SLC35A3: variants seen among roughly 807,000 people sequenced by gnomAD.
SLC35A3 encodes solute carrier family 35 member A3.
A neutral mutation model predicts 39.0 loss-of-function variants in SLC35A3; 26 were observed. The observed-to-expected ratio is 0.67, with a 90% CI of 0.49 to 0.92. SLC35A3 has a LOEUF of 0.92. Among genes scored for constraint, SLC35A3 ranks in the 40% least tolerant of loss-of-function variants. The probability of loss-of-function intolerance (pLI) is 0.00; values close to 1 mark genes in which losing one functional copy is unlikely to be tolerated. For missense variants in SLC35A3, 299 were observed against 371.6 expected (o/e 0.80, Z 1.61); for synonymous variants, 135 against 133.1 (o/e 1.01, Z -0.10).
At position 100,011,515 on chromosome 1, in the gene SLC35A3, A is replaced by T; in HGVS notation, c.616A>T (p.Ile206Leu). 6.8e-7 allele frequency: 1 copy of T among 1,463,202 alleles called. No homozygotes were observed. Among genetic ancestry groups the T allele is most frequent in the Non-Finnish European group, 9.3e-7 (1 of 1,075,692 alleles). The allele number at this position is 1,463,202 out of a possible 1,614,324, so 90.6% of individuals were successfully genotyped here. A position where few individuals can be genotyped will look rare whatever the true frequency, so the allele number is the denominator to read the frequency against. Residue 206 changes from isoleucine to leucine, a missense_variant, in exon 5 of 8, where the codon ATA (isoleucine) becomes TTA (leucine). Transcript: ENST00000533028. ...AAAAGAAACAAAACAATCAGTGTGG[A>T]TAAGAAATATTCAGCTTGGTAAGTT... ...ILKETKQSVW[I>L]RNIQLGFFGS...
At chr1:100,017,646 ATG>A in intron 6 of SLC35A3, 34 bp from the exon 7 acceptor site, 1 of 1,402,240 alleles carries the variant, frequency 7.1e-7, no homozygotes, top group Non-Finnish European at 9.6e-7. Context: ...GCAGTTTTAC[ATG>A]TGTGTTTTAA....
In SLC35A3 at chr1:99,989,243, A is replaced by G. The variant is rs377543936; in HGVS notation, c.-18-4294A>G. On this transcript the variant is annotated intron_variant, in intron 1 of 7. Transcript: ENST00000533028. The stretch of plus-strand genomic sequence containing the variant: ...TGACCTTTTCCTATGCCTATTAGTC[A>G]CTCATTTGTCTTTATTGATAAAATA... Among the ~76,000 whole-genome samples the G allele has an allele frequency of 1.8e-4, 27 of 151,716 alleles. No homozygotes were observed. In the South Asian group the frequency reaches 5.6e-3, roughly 32 times the overall value.
intron 1 of SLC35A3, among the ~76,000 whole-genome samples, chr1:99,978,065 C>T (rs1657225520): frequency 6.6e-6 from 1 of 152,146 alleles, no homozygotes; most frequent in African/African-American, 2.4e-5. Context: ...GACAGAGAGA[C>T]TAAAATTGGG....
intron 5 of SLC35A3, among the ~76,000 whole-genome samples, chr1:100,012,038 C>T (rs999455186): frequency 7.9e-5 from 12 of 151,866 alleles, no homozygotes; most frequent in African/African-American, 2.2e-4. Flanking sequence ...TTTAAATGAA[C>T]GCCTTTTATT....
chr1:100,001,409 A>G (rs1366251435), intron 3 of SLC35A3, among the ~76,000 whole-genome samples: 3 of 151,736 alleles, frequency 2.0e-5, no homozygotes, highest in African/African-American at 7.3e-5. Flanking sequence ...TTTCTTGTAG[A>G]GATCTTTTAC....
In SLC35A3 at chr1:100,015,331, G is replaced by A. The variant is rs200270277; in HGVS notation, c.664G>A (p.Gly222Ser). The A allele has an allele frequency of 5.0e-5, 81 of 1,610,770 alleles. No individual in the cohort carries two copies. Among genetic ancestry groups the A allele is most frequent in the Non-Finnish European group, 6.8e-5 (80 of 1,178,714 alleles). Residue 222 changes from glycine to serine, a missense_variant, in exon 6 of 8, where the codon GGT becomes AGT. Physicochemically the swap from Gly to Ser is moderately conservative, Grantham distance 56. Transcript: ENST00000533028. ...GFFGSIFGLM[G>S]VYIYDGELVS... Reference sequence around the variant, plus strand: ...CTTTGGAAGTATATTTGGATTAATGGGTGTATACATTTATGATGGAGAACT... The same window carrying A: ...CTTTGGAAGTATATTTGGATTAATGAGTGTATACATTTATGATGGAGAACT...
At chr1:99,993,792 A>C in intron 2 of SLC35A3, 51 bp downstream of exon 2, 1 of 1,495,876 alleles carries the variant, frequency 6.7e-7, no homozygotes, top group Non-Finnish European at 9.3e-7. Flanking sequence ...TTTAGTTTGC[A>C]TATATATATT....
intron 5 of SLC35A3, among the ~76,000 whole-genome samples, chr1:100,013,206 T>C (rs1659800916): frequency 6.6e-6 from 1 of 152,112 alleles, no homozygotes; most frequent in Non-Finnish European, 1.5e-5. Context: ...TTATTGGGTT[T>C]GGTGGCTTGT....
chr1:100,027,190 T>G lies in SLC35A3; in HGVS notation c.*4714T>G. The G allele has an allele frequency of 2.5e-6, 1 of 398,578 alleles. No homozygotes were observed. The highest frequency in any genetic ancestry group is 2.1e-5 in the African/African-American group (1 of 48,746). 24.7% of individuals were successfully genotyped at this position (398,578 alleles called of 1,614,324 possible). On this transcript the variant is annotated 3_prime_UTR_variant, in exon 8 of 8. Coordinates refer to ENST00000533028, the MANE Select transcript of SLC35A3 (RefSeq NM_012243.3). ...GGGTTGGCCAGGTGCAGTGGCTCAT[T>G]CCTGTAATCCCAACACTTTAGGAAG... is the stretch of plus-strand genomic sequence containing the variant.
At chr1:99,988,123 A>G (rs1363238662) in intron 1 of SLC35A3, among the ~76,000 whole-genome samples, 1 of 152,158 alleles carries the variant, frequency 6.6e-6, no homozygotes, top group Non-Finnish European at 1.5e-5. Context: ...TCATATAACT[A>G]CCACACAGTA....
chr1:100,011,638 A>G (rs981797107), intron 5 of SLC35A3, 105 bp downstream of exon 5: 1 of 339,416 alleles, frequency 2.9e-6, no homozygotes, highest in Non-Finnish European at 5.3e-6. Context: ...AAAATCTGCT[A>G]TTGATCCAAA....
Position 100,024,271 on chromosome 1 carries a change from G to A in SLC35A3, c.*1795G>A, listed in dbSNP as rs1241018435. On this transcript the variant is annotated 3_prime_UTR_variant, in exon 8 of 8. Coordinates refer to ENST00000533028, the MANE Select transcript of SLC35A3 (RefSeq NM_012243.3). ...TACTGAGTATAAGAAGTATTTTACT[G>A]TCTGGGCACAGTGGCTCATGCCTGT... is the stretch of plus-strand genomic sequence containing the variant. The A allele has an allele frequency of 6.6e-6, 1 of 152,056 alleles. No homozygotes were observed. The highest frequency in any genetic ancestry group is 1.5e-5 in the Non-Finnish European group (1 of 68,028). 9.4% of individuals were successfully genotyped at this position (152,056 alleles called of 1,614,324 possible). A position where few individuals can be genotyped will look rare whatever the true frequency, so the allele number is the denominator to read the frequency against.
In SLC35A3 at chr1:100,024,938, G is replaced by T; in HGVS notation, c.*2462G>T. 3.0e-6 allele frequency: 1 copy of T among 331,454 alleles called. No homozygotes were observed. Among genetic ancestry groups the T allele is most frequent in the Non-Finnish European group, 5.4e-6 (1 of 184,816 alleles). The allele number at this position is 331,454 out of a possible 1,614,324, so 20.5% of individuals were successfully genotyped here. A position where few individuals can be genotyped will look rare whatever the true frequency, so the allele number is the denominator to read the frequency against. On this transcript the variant is annotated 3_prime_UTR_variant, in exon 8 of 8. Coordinates refer to ENST00000533028, the MANE Select transcript of SLC35A3 (RefSeq NM_012243.3). ...TACCCTTGCCTAACGTGAACTGGCAGTGTTACCTTGCTTTTGCAGTAATAG... is the reference window on the plus strand; with the variant it reads ...TACCCTTGCCTAACGTGAACTGGCATTGTTACCTTGCTTTTGCAGTAATAG...
At chr1:99,993,800 ATT>A in intron 2 of SLC35A3, 59 bp downstream of exon 2, 2 of 1,416,268 alleles carry the variant, frequency 1.4e-6, no homozygotes, top group Non-Finnish European at 2.0e-6. Flanking sequence ...GCATATATAT[ATT>A]GGTAACTACA....
intron 4 of SLC35A3, chr1:100,009,661 T>C (rs1451391271): frequency 6.6e-6 from 1 of 152,302 alleles, no homozygotes; most frequent in East Asian, 1.9e-4. Context: ...GTCAGGTTAA[T>C]GGGATTGGAA....
chr1:99,970,231 G>A, intron 1 of SLC35A3, 69 bp downstream of exon 1: 1 of 227,432 alleles, frequency 4.4e-6, no homozygotes, highest in Non-Finnish European at 8.6e-6. Flanking sequence ...GGCCCGGGAA[G>A]CTCCTGGAGG....
intron 1 of SLC35A3, among the ~76,000 whole-genome samples, chr1:99,988,444 T>G (rs1657876247): frequency 6.6e-6 from 1 of 152,196 alleles, no homozygotes; most frequent in Non-Finnish European, 1.5e-5. Flanking sequence ...GATGGGCATT[T>G]GGAGTATTTC....
chr1:99,981,147 A>G (rs564715137), intron 1 of SLC35A3, among the ~76,000 whole-genome samples: 3 of 152,288 alleles, frequency 2.0e-5, no homozygotes, highest in South Asian at 4.1e-4. Flanking sequence ...TTCTGTATGT[A>G]TATACTTTTT....
In SLC35A3 at chr1:100,023,597, C is replaced by G. The variant is rs1191167402; in HGVS notation, c.*1121C>G. On this transcript the variant is annotated 3_prime_UTR_variant, in exon 8 of 8. Transcript: ENST00000533028. ...TACTTTATTTTAAACAGCGCTATGACTTTAAATCCAAGGCTGCTCGGAAGA... is the reference window on the plus strand; with the variant it reads ...TACTTTATTTTAAACAGCGCTATGAGTTTAAATCCAAGGCTGCTCGGAAGA... The G allele has an allele frequency of 6.6e-6, 1 of 152,212 alleles. No homozygotes were observed. Among genetic ancestry groups the G allele is most frequent in the African/African-American group, 2.4e-5 (1 of 41,450 alleles). 9.4% of individuals were successfully genotyped at this position (152,212 alleles called of 1,614,324 possible). A position where few individuals can be genotyped will look rare whatever the true frequency, so the allele number is the denominator to read the frequency against.
Sources: allele counts gnomAD v4.1 joint callset (sites outside exome capture counted in the v4.1 genomes callset), GRCh38; gene constraint gnomAD v4.1.1; transcripts MANE v1.5; gene names NCBI Gene and HGNC (gene_info 2026-07-23, HGNC 2026-07-21).